OR2L13: variants seen among roughly 807,000 people sequenced by gnomAD.
OR2L13 encodes olfactory receptor family 2 subfamily L member 13.
Under a neutral mutation model 15.3 loss-of-function variants are expected in OR2L13, and 14 were observed. The observed-to-expected ratio is 0.91, with a 90% CI of 0.60 to 1.43. OR2L13 has a LOEUF of 1.43. OR2L13 is among the 40% of genes most tolerant of loss of function. The probability of loss-of-function intolerance (pLI) is 0.00; values close to 1 mark genes in which losing one functional copy is unlikely to be tolerated. For missense variants in OR2L13, 367 were observed against 387.9 expected (o/e 0.95, Z 0.45); for synonymous variants, 152 against 142.9 (o/e 1.06, Z -0.45).
chr1:247,949,518 C>T, the OR2L13 span: 4 of 1,614,062 alleles, frequency 2.5e-6, no homozygotes, highest in South Asian at 3.3e-5. Flanking sequence ...TGGCCAGGTT[C>T]TCTTTGCTGT....
chr1:247,975,405 A>G, the OR2L13 span: 6 of 670,044 alleles, frequency 9.0e-6, no homozygotes, highest in Admixed American at 3.7e-5. Flanking sequence ...ACCACATTAA[A>G]TCTGCAGAAG....
the OR2L13 span, among the ~76,000 whole-genome samples, chr1:247,978,156 C>T: frequency 6.6e-6 from 1 of 152,170 alleles, no homozygotes; most frequent in Non-Finnish European, 1.5e-5. Context: ...TTCGGGTCCG[C>T]ACCACCTTTA....
the OR2L13 span, among the ~76,000 whole-genome samples, chr1:247,963,351 G>A: frequency 6.6e-6 from 1 of 152,112 alleles, no homozygotes; most frequent in African/African-American, 2.4e-5. Context: ...GTTTCCTTTG[G>A]TATGTTAATG....
the OR2L13 span, chr1:248,038,859 G>A: frequency 3.7e-6 from 6 of 1,614,056 alleles, no homozygotes; most frequent in South Asian, 3.3e-5. Flanking sequence ...TGAGAGCACA[G>A]TGTTTTTGAG....
the OR2L13 span, among the ~76,000 whole-genome samples, chr1:247,998,016 A>G: frequency 3.3e-5 from 5 of 152,168 alleles, no homozygotes; most frequent in Admixed American, 6.5e-5. Flanking sequence ...CTTTGTTTCT[A>G]TGATGACTAC....
At chr1:248,074,296 A>T in the OR2L13 span, among the ~76,000 whole-genome samples, 89 of 152,234 alleles carry the variant, frequency 5.8e-4, no homozygotes, top group Non-Finnish European at 1.1e-3. Flanking sequence ...AGAAGGGTTA[A>T]AATTAAAAAT....
the OR2L13 span, chr1:248,061,816 G>T: frequency 2.3e-6 from 1 of 435,928 alleles, no homozygotes; most frequent in Non-Finnish European, 3.9e-6. Flanking sequence ...TTTCTTCATG[G>T]CATTGTTTCC....
chr1:247,959,213 G>T, the OR2L13 span, among the ~76,000 whole-genome samples: 2,011 of 152,014 alleles, frequency 0.013, 35 homozygotes, highest in African/African-American at 0.044. Context: ...GCTTAGTTTG[G>T]CTGGATATGA....
chr1:247,944,258 CT>C, the OR2L13 span, among the ~76,000 whole-genome samples: 6 of 150,366 alleles, frequency 4.0e-5, no homozygotes, highest in East Asian at 2.0e-4. Context: ...TCCATTGAAT[CT>C]TTTTTTTTGC....
chr1:248,007,523 T>C, the OR2L13 span, among the ~76,000 whole-genome samples: 1 of 152,202 alleles, frequency 6.6e-6, no homozygotes, highest in East Asian at 1.9e-4. Flanking sequence ...TGCTACATTG[T>C]TTATGAGAAT....
At chr1:248,083,724 C>T in the OR2L13 span, 879 of 1,611,934 alleles carry the variant, frequency 5.5e-4, 3 homozygotes, top group African/African-American at 1.4e-3. Flanking sequence ...CTCACTGTTC[C>T]TCACACTGTA....
chr1:247,990,719 G>A, the OR2L13 span: 2 of 1,556,674 alleles, frequency 1.3e-6, no homozygotes, highest in Admixed American at 1.7e-5. Context: ...TGGATGATAG[G>A]CTCCATCAAC....
the OR2L13 span, among the ~76,000 whole-genome samples, chr1:247,955,535 CA>C: frequency 6.6e-6 from 1 of 152,072 alleles, no homozygotes; most frequent in Non-Finnish European, 1.5e-5. Context: ...TTGACTTCCA[CA>C]ATGGTTGAAC....
the OR2L13 span, among the ~76,000 whole-genome samples, chr1:247,967,215 T>G: frequency 2.6e-4 from 40 of 152,210 alleles, no homozygotes; most frequent in Non-Finnish European, 4.7e-4. Context: ...TTCTTTCTTT[T>G]TTTGTTTGTT....
the OR2L13 span, among the ~76,000 whole-genome samples, chr1:247,969,305 T>C: frequency 6.6e-6 from 1 of 152,214 alleles, no homozygotes; most frequent in South Asian, 2.1e-4. Context: ...GCCTGTTCAC[T>C]CTGATGGTAG....
At chr1:248,089,692 T>G in the OR2L13 span, among the ~76,000 whole-genome samples, 1 of 152,124 alleles carries the variant, frequency 6.6e-6, no homozygotes, top group South Asian at 2.1e-4. Flanking sequence ...CCCTGAGTTG[T>G]TTTTCAGAAA....
the OR2L13 span, among the ~76,000 whole-genome samples, chr1:248,059,270 G>A: frequency 6.6e-6 from 1 of 152,130 alleles, no homozygotes; most frequent in Non-Finnish European, 1.5e-5. Context: ...AGTTCTTTTA[G>A]GCATACTGTG....
At chr1:248,099,267 A>G (rs764074263) in intron 2 of OR2L13, 91 bp from the exon 3 acceptor site, 4 of 754,212 alleles carry the variant, frequency 5.3e-6, no homozygotes, top group Non-Finnish European at 8.8e-6. Context: ...ATTCTAAACA[A>G]ACATTGATAA....
chr1:248,076,704 C>T, the OR2L13 span, among the ~76,000 whole-genome samples: 6 of 152,160 alleles, frequency 3.9e-5, no homozygotes, highest in South Asian at 1.2e-3. Flanking sequence ...TATCCTGAGA[C>T]TTTGCTGAAG....
Sources: gnomAD v4.1 joint callset for allele counts (sites outside exome capture counted in the v4.1 genomes callset) on GRCh38, gnomAD v4.1.1 for gene constraint, MANE v1.5 for transcripts, NCBI Gene and HGNC (gene_info 2026-07-23, HGNC 2026-07-21) for gene names.